SENP6: variants seen among roughly 807,000 people sequenced by gnomAD.
SENP6 encodes the protein SUMO specific peptidase 6.
Under a neutral mutation model 134.5 loss-of-function variants are expected in SENP6, and 41 were observed. That is an observed-to-expected ratio of 0.30 (90% CI 0.24 to 0.40). SENP6 has a LOEUF of 0.40. Among genes scored for constraint, SENP6 ranks in the 10% least tolerant of loss-of-function variants. SENP6 has a pLI of 1.00. For synonymous variants in SENP6, 395 were observed against 429.8 expected (o/e 0.92, Z 1.00); for missense variants, 1,248 against 1,312.5 (o/e 0.95, Z 0.76).
intron 20 of SENP6, 150 bp from the exon 21 acceptor site, chr6:75,711,178 C>A: frequency 1.9e-6 from 1 of 524,984 alleles, no homozygotes. Flanking sequence ...AATTAAGTAA[C>A]ATACCACATC....
chr6:75,688,116 C>T (rs895364918), intron 16 of SENP6, among the ~76,000 whole-genome samples: 2 of 152,240 alleles, frequency 1.3e-5, no homozygotes, highest in Non-Finnish European at 2.9e-5. Flanking sequence ...ATGCCCCTCC[C>T]CCAGTCAGGC....
chr6:75,663,542 A>G, intron 9 of SENP6, 24 bp downstream of exon 9: 1 of 1,549,996 alleles, frequency 6.5e-7, no homozygotes. Flanking sequence ...TCCCTTTAAT[A>G]TTGCTTATAT....
At chr6:75,649,152 A>T (rs1770674831) in intron 7 of SENP6, among the ~76,000 whole-genome samples, 1 of 151,990 alleles carries the variant, frequency 6.6e-6, no homozygotes, top group South Asian at 2.1e-4. Context: ...CTGGAAAAAA[A>T]AAAAATACAA....
chr6:75,703,119 T>G, intron 19 of SENP6, 47 bp downstream of exon 19: 1 of 1,418,462 alleles, frequency 7.0e-7, no homozygotes, highest in Middle Eastern at 2.1e-4. Flanking sequence ...CAGAATAATC[T>G]GGATTTTTTA....
At chr6:75,679,806 G>A (rs1773340018) in intron 16 of SENP6, 1 of 152,152 alleles carries the variant, frequency 6.6e-6, no homozygotes, top group Admixed American at 6.5e-5. Flanking sequence ...ATAGTTCTCT[G>A]TAATATTTTC....
chr6:75,670,922 T>C (rs2149873506), intron 11 of SENP6, among the ~76,000 whole-genome samples: 2 of 149,634 alleles, frequency 1.3e-5, no homozygotes, highest in South Asian at 4.2e-4. Context: ...AATATGTTAT[T>C]GTTTATTATC....
chr6:75,702,710 C>G lies in SENP6; in HGVS notation c.2354C>G (p.Pro785Arg). The G allele has an allele frequency of 5.6e-6, 9 of 1,613,576 alleles. No homozygotes were observed. Among genetic ancestry groups the G allele is most frequent in the Non-Finnish European group, 6.8e-6 (8 of 1,179,800 alleles). ...GLEKPKYEPN[P>R]HYHENAVIQK... ...GAAAAACCAAAGTATGAACCTAATC[C>G]TCATTACCATGAAAATGCTGTCATA... The change falls in exon 19 of 24, where the codon CCT (proline) becomes CGT (arginine). Residue 785 changes from proline (P) to arginine (R), a missense_variant. Pro to Arg is a moderately radical substitution (Grantham distance 103, BLOSUM62 -2). Transcript: ENST00000447266.
intron 6 of SENP6, among the ~76,000 whole-genome samples, chr6:75,645,581 A>G (rs892268861): frequency 1.3e-5 from 2 of 152,166 alleles, no homozygotes; most frequent in African/African-American, 4.8e-5. Flanking sequence ...TGCGCACGCT[A>G]CTGTTCTCCA....
Position 75,623,888 on chromosome 6 carries a change from T to C in SENP6, c.147-12T>C. The C allele has an allele frequency of 6.3e-7, 1 of 1,595,184 alleles. No homozygotes were observed. The highest frequency in any genetic ancestry group is 8.5e-7 in the Non-Finnish European group (1 of 1,171,536). On this transcript the variant is annotated splice_polypyrimidine_tract_variant and intron_variant, in intron 2 of 23. Coordinates refer to ENST00000447266, the MANE Select transcript of SENP6 (RefSeq NM_015571.4). ...TGCTACTTATGTTTTTTTCCCCTTA[T>C]TTTCTGTGTAGTGGGACAAATCTGC...
chr6:75,659,000 AG>A (rs56939208), intron 7 of SENP6, among the ~76,000 whole-genome samples: 14,155 of 116,848 alleles, frequency 0.12, 1,985 homozygotes, highest in African/African-American at 0.22. Flanking sequence ...AAAAAAAAAA[AG>A]GGGAATTGTG....
chr6:75,678,417 C>G, intron 14 of SENP6, 166 bp from the exon 15 acceptor site: 1 of 535,470 alleles, frequency 1.9e-6, no homozygotes, highest in Non-Finnish European at 3.3e-6. Flanking sequence ...AAAGTGGCCC[C>G]TAGTTTTGCC....
chr6:75,674,038 A>G (rs1224837503), intron 11 of SENP6, among the ~76,000 whole-genome samples: 2 of 151,164 alleles, frequency 1.3e-5, no homozygotes, highest in Non-Finnish European at 3.0e-5. Context: ...TAAATGAATG[A>G]GTGAATGCTT....
chr6:75,648,776 A>G (rs574802194), intron 7 of SENP6, among the ~76,000 whole-genome samples: 1 of 152,298 alleles, frequency 6.6e-6, no homozygotes, highest in South Asian at 2.1e-4. Context: ...TGCTTAGTCC[A>G]GTGCTTTGCA....
chr6:75,696,775 A>G (rs1279357223), intron 17 of SENP6, among the ~76,000 whole-genome samples: 2 of 151,940 alleles, frequency 1.3e-5, no homozygotes, highest in Non-Finnish European at 2.9e-5. Flanking sequence ...ACCATGCCCC[A>G]CCTTTTTCTT....
intron 3 of SENP6, among the ~76,000 whole-genome samples, chr6:75,631,059 T>C (rs2149836150): frequency 6.6e-6 from 1 of 152,276 alleles, no homozygotes; most frequent in South Asian, 2.1e-4. Context: ...CAATGACATT[T>C]ATCATTTATA....
intron 5 of SENP6, among the ~76,000 whole-genome samples, chr6:75,637,866 G>A (rs902192468): frequency 2.6e-5 from 4 of 151,974 alleles, no homozygotes; most frequent in African/African-American, 7.3e-5. Flanking sequence ...GAGGTTTTTT[G>A]TGTTTGTTTG....
chr6:75,613,448 C>T (rs1404281533), intron 1 of SENP6, among the ~76,000 whole-genome samples: 1 of 151,890 alleles, frequency 6.6e-6, no homozygotes, highest in Non-Finnish European at 1.5e-5. Context: ...GTGACCTCTG[C>T]CCTAGAGAAA....
At chr6:75,687,526 C>G (rs1562051172) in intron 16 of SENP6, among the ~76,000 whole-genome samples, 1 of 152,204 alleles carries the variant, frequency 6.6e-6, no homozygotes, top group African/African-American at 2.4e-5. Flanking sequence ...TTCTCCCCAT[C>G]TTTGTGGTTT....
intron 6 of SENP6, among the ~76,000 whole-genome samples, chr6:75,642,749 A>G (rs1383297112): frequency 6.6e-6 from 1 of 152,244 alleles, no homozygotes; most frequent in Non-Finnish European, 1.5e-5. Flanking sequence ...AGTCTTTTGC[A>G]TGTGATTTAT....
Sources: gnomAD v4.1 joint callset for allele counts (sites outside exome capture counted in the v4.1 genomes callset) on GRCh38, gnomAD v4.1.1 for gene constraint, MANE v1.5 for transcripts, NCBI Gene and HGNC (gene_info 2026-07-23, HGNC 2026-07-21) for gene names.